The following DMD variants were observed in gnomAD, a reference collection of about 807,000 sequenced individuals.
DMD encodes mutant dystrophin.
A neutral mutation model predicts 330.1 loss-of-function variants in DMD; 63 were observed. That is an observed-to-expected ratio of 0.19 (90% confidence interval 0.16 to 0.24). DMD has a LOEUF of 0.24. Among genes scored for constraint, DMD ranks in the 10% least tolerant of loss-of-function variants. DMD has a pLI of 1.00. For missense variants in DMD, 3,344 were observed against 2,684.1 expected (o/e 1.25, Z -5.43); for synonymous variants, 1,223 against 959.8 (o/e 1.27, Z -5.07).
At position 33,296,162 on chromosome X, in the gene DMD, C is replaced by T. The variant is rs750563826; in HGVS notation, c.7+43097G>A. Among the ~76,000 whole-genome samples, 10 of 111,054 alleles carry T rather than the reference C, an allele frequency of 9.0e-5. No homozygotes were observed. The East Asian group carries it at 2.8e-3, about 32-fold the overall frequency. Reference sequence around the variant, plus strand: ...TTTCATAGCTTTATTGGCTTTTCTCCTAGTAATGCTTTCTCTTGTGAAAGG... The same window carrying T: ...TTTCATAGCTTTATTGGCTTTTCTCTTAGTAATGCTTTCTCTTGTGAAAGG... On this transcript the variant is annotated intron_variant, in intron 1 of 17. Coordinates refer to the DMD transcript ENST00000288447.
intron 55 of DMD, among the ~76,000 whole-genome samples, chrX:31,571,868 TTA>T (rs1400506901): frequency 5.4e-5 from 6 of 111,820 alleles, no homozygotes; most frequent in African/African-American, 2.0e-4. Flanking sequence ...GGGGATGAAA[TTA>T]TATCAGGTTA....
intron 1 of DMD, among the ~76,000 whole-genome samples, chrX:33,092,601 A>G (rs1369606352): frequency 1.8e-5 from 2 of 111,260 alleles, no homozygotes; most frequent in East Asian, 2.8e-4. Flanking sequence ...TCAATTATTT[A>G]TCTTCTTAGC....
chrX:32,888,916 TATA>T (rs1433452781), intron 2 of DMD, among the ~76,000 whole-genome samples: 2 of 110,162 alleles, frequency 1.8e-5, no homozygotes, highest in Admixed American at 9.6e-5. Flanking sequence ...CACGGAAAAT[TATA>T]ATTTTTTTTT....
chrX:32,308,294 T>C (rs1320108231), intron 42 of DMD, among the ~76,000 whole-genome samples: 4 of 111,543 alleles, frequency 3.6e-5, no homozygotes, highest in Non-Finnish European at 7.6e-5. Context: ...ATACTTACTA[T>C]AGTTCTGTAA....
intron 21 of DMD, among the ~76,000 whole-genome samples, chrX:32,483,820 C>CAAAAAAAAAAAAAA (rs770119472): frequency 2.7e-5 from 1 of 37,267 alleles, no homozygotes; most frequent in African/African-American, 1.2e-4. Flanking sequence ...CTCTGAAGTA[C>CAAAAAAAAAAAAAA]AAAAAAAAAA....
chrX:32,676,208 A>G (rs746876120), intron 9 of DMD, among the ~76,000 whole-genome samples: 33 of 111,568 alleles, frequency 3.0e-4, no homozygotes, highest in Non-Finnish European at 5.7e-4. Flanking sequence ...CCTCTTATAC[A>G]TAAGAGCATA....
intron 45 of DMD, among the ~76,000 whole-genome samples, chrX:31,942,790 G>A (rs144357845): frequency 6.6e-4 from 74 of 111,862 alleles, no homozygotes; most frequent in African/African-American, 2.1e-3. Flanking sequence ...TATTGTGATC[G>A]CACCCTATCC....
intron 44 of DMD, among the ~76,000 whole-genome samples, chrX:32,018,350 G>A (rs1432851286): frequency 9.0e-6 from 1 of 111,097 alleles, no homozygotes; most frequent in Non-Finnish European, 1.9e-5. Flanking sequence ...GTCCTCTTTT[G>A]TCCCTCAACA....
At chrX:31,431,278 A>G (rs886392745) in intron 60 of DMD, among the ~76,000 whole-genome samples, 2 of 112,243 alleles carry the variant, frequency 1.8e-5, no homozygotes, top group Non-Finnish European at 3.8e-5. Flanking sequence ...AATATAAGCT[A>G]TAATTCAGAG....
chrX:32,328,781 A>G (rs1157797584), intron 41 of DMD, among the ~76,000 whole-genome samples: 1 of 111,797 alleles, frequency 8.9e-6, no homozygotes, highest in Non-Finnish European at 1.9e-5. Context: ...AGAAAGAAAA[A>G]GAAAGGCCAT....
intron 72 of DMD, among the ~76,000 whole-genome samples, chrX:31,172,714 C>G (rs181856784): frequency 2.1e-4 from 23 of 111,740 alleles, no homozygotes; most frequent in African/African-American, 7.4e-4. Flanking sequence ...AGAAAAGCTT[C>G]CCTAACAATA....
chrX:31,790,725 A>C (rs1050556887), intron 50 of DMD, among the ~76,000 whole-genome samples: 15 of 111,302 alleles, frequency 1.3e-4, no homozygotes, highest in African/African-American at 4.9e-4. Context: ...ATAGCCAACA[A>C]GAGATCAAAT....
chrX:31,187,716 TCAGAGA>T lies in DMD; in HGVS notation c.9808-4818_9808-4813del, dbSNP rs1330914798. Among the ~76,000 whole-genome samples the T allele has an allele frequency of 2.7e-3, 208 of 76,604 alleles. 10 individuals carry two copies. Among genetic ancestry groups the T allele is most frequent in the East Asian group, 0.02 (40 of 1,981 alleles). 66.5% of individuals were successfully genotyped at this position (76,604 alleles called of 115,157 possible). On this transcript the variant is annotated intron_variant, in intron 67 of 78. Transcript: ENST00000357033. Reference sequence around the variant, plus strand: ...TCAGCTCTGGAATCTTCCCAGATTCTCAGAGAGAGAGAGAGAGAGAGAGAGAGAGAG... The same window carrying T: ...TCAGCTCTGGAATCTTCCCAGATTCTGAGAGAGAGAGAGAGAGAGAGAGAG...
intron 48 of DMD, among the ~76,000 whole-genome samples, chrX:31,864,922 C>T (rs2093773333): frequency 8.9e-6 from 1 of 111,794 alleles, no homozygotes; most frequent in Non-Finnish European, 1.9e-5. Context: ...TAACAGAGTC[C>T]CAGGGAAATT....
chrX:32,337,506 G>A (rs755776650), intron 41 of DMD, among the ~76,000 whole-genome samples: 1 of 109,593 alleles, frequency 9.1e-6, no homozygotes, highest in Admixed American at 9.9e-5. Context: ...CACTGAAGTG[G>A]GCTTTTTTTT....
chrX:31,662,764 T>A (rs2081201801), intron 53 of DMD, among the ~76,000 whole-genome samples: 1 of 111,775 alleles, frequency 8.9e-6, no homozygotes, highest in Non-Finnish European at 1.9e-5. Context: ...TAGGATGGGG[T>A]TACTTGCTCT....
intron 44 of DMD, among the ~76,000 whole-genome samples, chrX:32,068,053 G>A (rs7882558): frequency 2.7e-5 from 3 of 110,666 alleles, no homozygotes; most frequent in Non-Finnish European, 5.7e-5. Flanking sequence ...CCAGTCTGAC[G>A]GGTGTGAGAT....
chrX:32,274,303 G>A (rs1256115561), intron 43 of DMD, among the ~76,000 whole-genome samples: 2 of 111,989 alleles, frequency 1.8e-5, no homozygotes, highest in African/African-American at 3.2e-5. Context: ...AAACAAAAAT[G>A]TTCAATTACT....
At chrX:32,529,125 C>G (rs2047214071) in intron 17 of DMD, among the ~76,000 whole-genome samples, 1 of 106,128 alleles carries the variant, frequency 9.4e-6, no homozygotes, top group Non-Finnish European at 1.9e-5. Context: ...CGGGGTTTCA[C>G]TGTTTCAGCC....
Sources: allele counts gnomAD v4.1 joint callset (sites outside exome capture counted in the v4.1 genomes callset), GRCh38; gene constraint gnomAD v4.1.1; transcripts MANE v1.5; gene names NCBI Gene and HGNC (gene_info 2026-07-23, HGNC 2026-07-21).